The following KDM4B variants were observed in gnomAD, a reference collection of about 807,000 sequenced individuals.
KDM4B encodes the protein lysine demethylase 4B.
KDM4B carries 32 observed loss-of-function variants against 125.2 expected under a neutral mutation model. The ratio of observed to expected loss-of-function variants is 0.26; its 90% CI spans 0.19 to 0.34. KDM4B has a LOEUF of 0.34. Among genes scored for constraint, KDM4B ranks in the 10% least tolerant of loss-of-function variants. The pLI, the probability that KDM4B is intolerant of heterozygous loss-of-function variation, is 1.00. For synonymous variants in KDM4B, 721 were observed against 677.9 expected (o/e 1.06, Z -0.99); for missense variants, 1,190 against 1,577.7 (o/e 0.75, Z 4.16).
chr19:5,071,411 CTG>C (rs1447444365), intron 7 of KDM4B, among the ~76,000 whole-genome samples: 8 of 152,256 alleles, frequency 5.3e-5, no homozygotes, highest in Non-Finnish European at 1.0e-4. Flanking sequence ...TGACCCCACA[CTG>C]TGCCCTTGCT....
In KDM4B at chr19:5,077,362, C is replaced by T. The variant is rs746795050; in HGVS notation, c.677-5C>T. 4.3e-6 allele frequency: 7 copies of T among 1,612,006 alleles called. No individual in the cohort carries two copies. The highest frequency in any genetic ancestry group is 3.3e-5 in the Admixed American group (2 of 60,008). On this transcript the variant is annotated splice_polypyrimidine_tract_variant and splice_region_variant and intron_variant, in intron 7 of 22. Coordinates refer to ENST00000159111, the MANE Select transcript of KDM4B (RefSeq NM_015015.3). ...GGAGACTGACGTCTGTCTTTTCGGC[C>T]CTAGGCTTCTTCCCCGGGAGCTCGC...
intron 1 of KDM4B, among the ~76,000 whole-genome samples, chr19:5,004,539 G>T (rs920309036): frequency 6.6e-6 from 1 of 152,172 alleles, no homozygotes; most frequent in African/African-American, 2.4e-5. Flanking sequence ...GTCTGGGGAC[G>T]CTCGGCAGTG....
At chr19:5,033,623 G>A (rs972597714) in intron 3 of KDM4B, among the ~76,000 whole-genome samples, 2 of 152,134 alleles carry the variant, frequency 1.3e-5, no homozygotes, top group Non-Finnish European at 2.9e-5. Flanking sequence ...TTTTGAGATG[G>A]CAGAGTGACT....
chr19:4,969,580 C>T (rs896379385), intron 1 of KDM4B, among the ~76,000 whole-genome samples: 2 of 151,654 alleles, frequency 1.3e-5, no homozygotes, highest in African/African-American at 2.4e-5. Flanking sequence ...CGTGGGTGGC[C>T]CCGGCCGGGC....
intron 5 of KDM4B, among the ~76,000 whole-genome samples, chr19:5,046,010 T>G (rs759799769): frequency 2.2e-4 from 33 of 152,276 alleles, no homozygotes; most frequent in Admixed American, 9.2e-4. Flanking sequence ...AAGTATTTTC[T>G]TTCTGACTGG....
At chr19:5,023,909 C>T (rs1434437218) in intron 2 of KDM4B, among the ~76,000 whole-genome samples, 1 of 151,852 alleles carries the variant, frequency 6.6e-6, no homozygotes, top group African/African-American at 2.4e-5. Flanking sequence ...TGTGCACCAC[C>T]ACGCCTGGCT....
At chr19:4,981,159 C>T (rs1187413213) in intron 1 of KDM4B, among the ~76,000 whole-genome samples, 1 of 152,162 alleles carries the variant, frequency 6.6e-6, no homozygotes, top group South Asian at 2.1e-4. Flanking sequence ...CCTCTCTGTG[C>T]AGCCACAGGG....
intron 2 of KDM4B, among the ~76,000 whole-genome samples, chr19:5,017,139 A>C (rs1249866694): frequency 1.3e-5 from 2 of 152,162 alleles, no homozygotes; most frequent in Non-Finnish European, 2.9e-5. Flanking sequence ...GGCCCCCTGT[A>C]GCTAATGAGG....
intron 9 of KDM4B, among the ~76,000 whole-genome samples, chr19:5,090,415 T>TC (rs1237862381): frequency 3.2e-5 from 1 of 30,998 alleles, no homozygotes; most frequent in Non-Finnish European, 5.4e-5. Context: ...TCTCCCCCTC[T>TC]CCCCCTCTGT....
intron 2 of KDM4B, among the ~76,000 whole-genome samples, chr19:5,016,662 C>A (rs1161575550): frequency 6.6e-6 from 1 of 152,224 alleles, no homozygotes; most frequent in African/African-American, 2.4e-5. Context: ...TTCCCAGGAC[C>A]CACTACCCTG....
At chr19:5,117,412 C>T (rs1297685518) in intron 10 of KDM4B, among the ~76,000 whole-genome samples, 1 of 152,064 alleles carries the variant, frequency 6.6e-6, no homozygotes, top group Non-Finnish European at 1.5e-5. Context: ...GGAGGGCGCC[C>T]TTCTGCTGGT....
At chr19:5,039,686 C>T in intron 3 of KDM4B, 150 bp from the exon 4 acceptor site, 1 of 792,654 alleles carries the variant, frequency 1.3e-6, no homozygotes, top group South Asian at 1.8e-5. Flanking sequence ...TTTGATAAGG[C>T]AAATGGGGGG....
Position 5,137,943 on chromosome 19 carries a change from GC to G in KDM4B, c.2442-18del. ...GGTCCTCAGAGGCGCACCTGACCCC[GC>G]TGCACCTGCCCTCCCAGGTGGATCC... On this transcript the variant is annotated intron_variant, in intron 17 of 22. Coordinates refer to ENST00000159111, the MANE Select transcript of KDM4B (RefSeq NM_015015.3). 1 of 1,602,604 alleles carries G rather than the reference GC, an allele frequency of 6.2e-7. No homozygotes were observed. Among genetic ancestry groups the G allele is most frequent in the Non-Finnish European group, 8.5e-7 (1 of 1,173,736 alleles).
At chr19:4,987,176 C>T (rs888591990) in intron 1 of KDM4B, among the ~76,000 whole-genome samples, 3 of 152,142 alleles carry the variant, frequency 2.0e-5, no homozygotes, top group Non-Finnish European at 2.9e-5. Context: ...CCAGTCTGGT[C>T]TCAAACTCCT....
chr19:5,100,405 T>G (rs375646325), intron 9 of KDM4B, among the ~76,000 whole-genome samples: 6 of 152,058 alleles, frequency 3.9e-5, no homozygotes, highest in Non-Finnish European at 8.8e-5. Context: ...CTTTTTTGTT[T>G]TTGTTGTTGT....
chr19:5,089,562 T>G (rs1322578013), intron 9 of KDM4B, among the ~76,000 whole-genome samples: 1 of 152,130 alleles, frequency 6.6e-6, no homozygotes, highest in Non-Finnish European at 1.5e-5. Flanking sequence ...GATTCCCGTT[T>G]TTTGTGGGGA....
rs996554694 is a variant in KDM4B at position 5,115,646 on chromosome 19, A to G, written c.1116-4007A>G. On this transcript the variant is annotated intron_variant, in intron 10 of 22. Coordinates refer to ENST00000159111, the MANE Select transcript of KDM4B (RefSeq NM_015015.3). This position sits in a 1 kb window ranked among gnomAD's most constrained non-coding sequence, Gnocchi z 4.2. ...TGACAAAGGCAGGGCCTGCACAGCA[A>G]AGAAGGGCAGAGCTCCGAGGAAAGA... Among the ~76,000 whole-genome samples the G allele has an allele frequency of 6.6e-6, 1 of 152,236 alleles. No individual in the cohort carries two copies. The highest frequency in any genetic ancestry group is 2.4e-5 in the African/African-American group (1 of 41,458).
intron 6 of KDM4B, among the ~76,000 whole-genome samples, chr19:5,048,788 C>T (rs899449089): frequency 3.9e-5 from 6 of 152,206 alleles, no homozygotes; most frequent in Admixed American, 6.5e-5. Context: ...GGCAGCGGGA[C>T]GCCCATGGTG....
chr19:5,022,218 C>G (rs2036144844), intron 2 of KDM4B, among the ~76,000 whole-genome samples: 5 of 152,154 alleles, frequency 3.3e-5, no homozygotes, highest in African/African-American at 1.2e-4. Context: ...TGCTGATAGT[C>G]CTATGTTCCC....
Sources: gnomAD v4.1 joint callset for allele counts (sites outside exome capture counted in the v4.1 genomes callset) on GRCh38, gnomAD v4.1.1 for gene constraint, Gnocchi (gnomAD v3.1) non-coding constraint, MANE v1.5 for transcripts, NCBI Gene and HGNC (gene_info 2026-07-23, HGNC 2026-07-21) for gene names.